MYO5A: variants seen among roughly 807,000 people sequenced by gnomAD.
MYO5A encodes unconventional myosin-Va.
A neutral mutation model predicts 249.7 loss-of-function variants in MYO5A; 98 were observed. The observed-to-expected ratio is 0.39, with a 90% CI of 0.33 to 0.46. The LOEUF (loss-of-function observed/expected upper bound fraction) is 0.46. Ranked by LOEUF, MYO5A falls within the 20% of genes least tolerant of loss-of-function variation. MYO5A has a pLI of 0.98. For synonymous variants in MYO5A, 778 were observed against 810.6 expected, an observed-to-expected ratio of 0.96 and a Z score of 0.68; for missense variants, 1,696 against 2,308.8, an observed-to-expected ratio of 0.73 and a Z score of 5.44.
At chr15:52,458,176 C>CT (rs1169155001) in intron 1 of MYO5A, among the ~76,000 whole-genome samples, 2 of 152,148 alleles carry the variant, frequency 1.3e-5, no homozygotes, top group Non-Finnish European at 2.9e-5. Context: ...GAAATAACTG[C>CT]TAGTGTTCAA....
At chr15:52,336,320 G>A in intron 34 of MYO5A, 143 bp downstream of exon 34, 2 of 632,754 alleles carry the variant, frequency 3.2e-6, no homozygotes, top group South Asian at 3.7e-5. Context: ...ACTCAAAAGA[G>A]GTTAGGTTTG....
At chr15:52,433,057 A>G in intron 2 of MYO5A, 118 bp downstream of exon 2, 1 of 782,018 alleles carries the variant, frequency 1.3e-6, no homozygotes, top group Non-Finnish European at 2.2e-6. Flanking sequence ...TTTAGTAAGT[A>G]AAAATTCTAG....
intron 1 of MYO5A, among the ~76,000 whole-genome samples, chr15:52,487,543 G>A (rs1372621886): frequency 6.6e-6 from 1 of 151,994 alleles, no homozygotes; most frequent in African/African-American, 2.4e-5. Context: ...GGACCACATG[G>A]TGAAACCCCG....
chr15:52,474,183 T>C, intron 1 of MYO5A, among the ~76,000 whole-genome samples: 1 of 152,226 alleles, frequency 6.6e-6, no homozygotes, highest in Non-Finnish European at 1.5e-5. Context: ...ATGATTTGGC[T>C]CTCTGTTTGT....
chr15:52,473,967 A>G (rs575102873), intron 1 of MYO5A, among the ~76,000 whole-genome samples: 16 of 152,310 alleles, frequency 1.1e-4, no homozygotes, highest in South Asian at 4.1e-4. Flanking sequence ...CATTGAATCT[A>G]TAAATTACCT....
intron 24 of MYO5A, among the ~76,000 whole-genome samples, chr15:52,362,944 C>T (rs28508266): frequency 0.097 from 14,817 of 152,212 alleles, 2,242 homozygotes; most frequent in African/African-American, 0.33. Flanking sequence ...TTGCATGCAC[C>T]ATTAAAGAAT....
intron 9 of MYO5A, among the ~76,000 whole-genome samples, chr15:52,404,628 G>C (rs1032570377): frequency 1.3e-5 from 2 of 152,178 alleles, no homozygotes; most frequent in African/African-American, 4.8e-5. Flanking sequence ...TACAATAAAG[G>C]AAAGCAGAAG....
rs1331442224 is a variant in MYO5A, at chr15:52,511,404, CAT to C, written c.27+17374_27+17375del. Among the ~76,000 whole-genome samples, 21 of 152,218 alleles carry C rather than the reference CAT, an allele frequency of 1.4e-4. 1 individual carries two copies. Among genetic ancestry groups the C allele is most frequent in the Admixed American group, 1.4e-3 (21 of 15,282 alleles). ...CCACATTACTTCTCCTGATTCAGTACATGTGTTTTTTTCTTGAATAACTGCCT... is the reference window on the plus strand; with the variant it reads ...CCACATTACTTCTCCTGATTCAGTACGTGTTTTTTTCTTGAATAACTGCCT... On this transcript the variant is annotated intron_variant, in intron 1 of 41. Coordinates refer to ENST00000399233, the MANE Select transcript of MYO5A (RefSeq NM_001382347.1).
chr15:52,361,503 T>C (rs1488897303), intron 24 of MYO5A, among the ~76,000 whole-genome samples: 1 of 152,198 alleles, frequency 6.6e-6, no homozygotes, highest in East Asian at 1.9e-4. Context: ...AGTGATTAAG[T>C]GCTCTGGATC....
chr15:52,508,658 C>G (rs761330227), intron 1 of MYO5A, among the ~76,000 whole-genome samples: 1 of 152,168 alleles, frequency 6.6e-6, no homozygotes, highest in Non-Finnish European at 1.5e-5. Context: ...ACCCTGTTTA[C>G]TCCACACATA....
intron 1 of MYO5A, among the ~76,000 whole-genome samples, chr15:52,459,776 G>A (rs968103053): frequency 3.3e-5 from 5 of 151,714 alleles, no homozygotes; most frequent in Admixed American, 6.6e-5. Flanking sequence ...TCCCAGACGG[G>A]GCGGCGGCCG....
chr15:52,487,990 G>A (rs2076859347), intron 1 of MYO5A, among the ~76,000 whole-genome samples: 1 of 151,982 alleles, frequency 6.6e-6, no homozygotes, highest in Non-Finnish European at 1.5e-5. Context: ...CTAATTCTGG[G>A]TGAGGCCTCT....
chr15:52,523,183 T>C (rs1483753512), intron 1 of MYO5A, among the ~76,000 whole-genome samples: 5 of 152,192 alleles, frequency 3.3e-5, no homozygotes, highest in Non-Finnish European at 1.5e-5. Flanking sequence ...CGGAGAGACC[T>C]GTCTCTCGGA....
upstream of MYO5A, chr15:52,528,883 G>C: frequency 3.0e-6 from 4 of 1,329,500 alleles, no homozygotes; most frequent in Non-Finnish European, 3.8e-6. Flanking sequence ...AGCGGACTAG[G>C]AAGCGCCCGC....
At chr15:52,511,934 T>C (rs111400761) in intron 1 of MYO5A, among the ~76,000 whole-genome samples, 22,857 of 152,012 alleles carry the variant, frequency 0.15, 1,824 homozygotes, top group Middle Eastern at 0.22. Context: ...GAGACAGAGG[T>C]GGGCAGATCA....
At chr15:52,433,999 C>CTTTTTTTT (rs398043307) in intron 1 of MYO5A, among the ~76,000 whole-genome samples, 1 of 127,306 alleles carries the variant, frequency 7.9e-6, no homozygotes, top group Non-Finnish European at 1.7e-5. Context: ...CTTTCTTTTT[C>CTTTTTTTT]TTTTTTTTTT....
intron 8 of MYO5A, 127 bp from the exon 9 acceptor site, chr15:52,405,520 C>T: frequency 1.4e-6 from 1 of 737,404 alleles, no homozygotes; most frequent in Admixed American, 2.0e-5. Context: ...TATAATGTGT[C>T]ATAGCTAACA....
intron 1 of MYO5A, among the ~76,000 whole-genome samples, chr15:52,504,982 G>T (rs1834547642): frequency 6.6e-6 from 1 of 152,064 alleles, no homozygotes; most frequent in African/African-American, 2.4e-5. Context: ...GTTATCTCGG[G>T]GCTATTCTGG....
chr15:52,504,063 T>TTTC (rs1566862540), intron 1 of MYO5A, among the ~76,000 whole-genome samples: 13 of 151,648 alleles, frequency 8.6e-5, no homozygotes, highest in African/African-American at 3.1e-4. Flanking sequence ...TCTTTTTTTT[T>TTTC]TTTTTTTTTT....
Sources: gnomAD v4.1 joint callset for allele counts (sites outside exome capture counted in the v4.1 genomes callset) on GRCh38, gnomAD v4.1.1 for gene constraint, MANE v1.5 for transcripts, NCBI Gene and HGNC (gene_info 2026-07-23, HGNC 2026-07-21) for gene names.